Variants in XPR1 observed in about 807,000 individuals in gnomAD.
XPR1 encodes solute carrier family 53 member 1.
A neutral mutation model predicts 87.5 loss-of-function variants in XPR1; 28 were observed. That is an observed-to-expected ratio of 0.32 (90% CI 0.24 to 0.44). XPR1 has a LOEUF of 0.44. Among genes scored for constraint, XPR1 ranks in the 20% least tolerant of loss-of-function variants. The pLI, the probability that XPR1 is intolerant of heterozygous loss-of-function variation, is 1.00. For synonymous variants in XPR1, 300 were observed against 306.1 expected, an observed-to-expected ratio of 0.98 and a Z score of 0.21; for missense variants, 559 against 862.3, an observed-to-expected ratio of 0.65 and a Z score of 4.41.
intron 1 of XPR1, among the ~76,000 whole-genome samples, chr1:180,639,710 CT>C (rs1294694509): frequency 6.6e-6 from 1 of 152,040 alleles, no homozygotes; most frequent in Admixed American, 6.5e-5. Flanking sequence ...GGCTCTCAAA[CT>C]TTTTGGTTTC....
intron 2 of XPR1, among the ~76,000 whole-genome samples, chr1:180,786,978 G>A (rs144460414): frequency 6.6e-6 from 1 of 152,236 alleles, no homozygotes; most frequent in East Asian, 1.9e-4. Context: ...AAAATAAATA[G>A]CCATTTAACA....
chr1:180,762,080 A>T (rs150841627), intron 2 of XPR1, among the ~76,000 whole-genome samples: 6,236 of 140,890 alleles, frequency 0.044, 478 homozygotes, highest in African/African-American at 0.15. Context: ...CTGAGAACAC[A>T]TGGACACAGG....
intron 2 of XPR1, among the ~76,000 whole-genome samples, chr1:180,718,833 T>C (rs1216579297): frequency 6.6e-6 from 1 of 152,034 alleles, no homozygotes; most frequent in Admixed American, 6.6e-5. Context: ...CACAGCTGGC[T>C]AATTTTTGTA....
intron 1 of XPR1, among the ~76,000 whole-genome samples, chr1:180,664,406 A>C (rs1312383361): frequency 6.6e-6 from 1 of 152,108 alleles, no homozygotes; most frequent in Non-Finnish European, 1.5e-5. Context: ...GGTTCCCTTC[A>C]GGTCAAGGGT....
At chr1:180,723,442 T>A (rs751313466) in intron 2 of XPR1, among the ~76,000 whole-genome samples, 33 of 152,192 alleles carry the variant, frequency 2.2e-4, no homozygotes, top group Non-Finnish European at 3.2e-4. Flanking sequence ...AATGAAATTC[T>A]TTCAGTCAAT....
chr1:180,752,601 G>A (rs182166640), intron 2 of XPR1, among the ~76,000 whole-genome samples: 8 of 151,784 alleles, frequency 5.3e-5, no homozygotes, highest in African/African-American at 1.5e-4. Flanking sequence ...TTTGTTCTTC[G>A]GTGGCCATAC....
chr1:180,863,454 C>T (rs949540446), intron 11 of XPR1, among the ~76,000 whole-genome samples: 1 of 152,126 alleles, frequency 6.6e-6, no homozygotes, highest in Non-Finnish European at 1.5e-5. Context: ...ATGTATTCAG[C>T]ATAGAGCCTC....
chr1:180,784,937 AG>A lies in XPR1; in HGVS notation c.122-2815del, dbSNP rs1649078269. On this transcript the variant is annotated intron_variant, in intron 2 of 14. Transcript: ENST00000367590. ...AAAACAAAAACATTGTCCTTCATTT[AG>A]CTTATTTTGCACACAATTCTTGCTG... Among the ~76,000 whole-genome samples, 4 of 150,480 alleles carry A rather than the reference AG, an allele frequency of 2.7e-5. No homozygotes were observed. In the South Asian group the frequency reaches 8.4e-4, roughly 32 times the overall value.
At chr1:180,710,867 G>A (rs573486467) in intron 2 of XPR1, among the ~76,000 whole-genome samples, 3 of 151,502 alleles carry the variant, frequency 2.0e-5, no homozygotes, top group Non-Finnish European at 4.4e-5. Flanking sequence ...CAGCTGGCCG[G>A]GTGGGGGCTG....
chr1:180,754,452 A>G (rs1413184933), intron 2 of XPR1, among the ~76,000 whole-genome samples: 2 of 151,892 alleles, frequency 1.3e-5, no homozygotes, highest in Non-Finnish European at 2.9e-5. Context: ...CCTTTCTTGT[A>G]TTTTTTGTTT....
chr1:180,877,430 A>T (rs1051278685), intron 13 of XPR1, among the ~76,000 whole-genome samples: 8 of 152,200 alleles, frequency 5.3e-5, no homozygotes, highest in Non-Finnish European at 1.2e-4. Flanking sequence ...TAACAGTGGA[A>T]AAAGAGGGCC....
intron 2 of XPR1, among the ~76,000 whole-genome samples, chr1:180,716,422 G>C (rs934523122): frequency 6.6e-6 from 1 of 152,116 alleles, no homozygotes; most frequent in African/African-American, 2.4e-5. Flanking sequence ...AAGCCTGTCT[G>C]ATCTTGTCAA....
chr1:180,879,085 G>T (rs1442055887), intron 13 of XPR1, among the ~76,000 whole-genome samples: 1 of 152,140 alleles, frequency 6.6e-6, no homozygotes, highest in Non-Finnish European at 1.5e-5. Context: ...CTTAGTAAAT[G>T]GTGTCACCTT....
At chr1:180,800,474 G>T (rs1405368564) in intron 3 of XPR1, among the ~76,000 whole-genome samples, 1 of 152,150 alleles carries the variant, frequency 6.6e-6, no homozygotes, top group Non-Finnish European at 1.5e-5. Context: ...ACTGAATTCT[G>T]CCACAACCAA....
At chr1:180,741,357 G>T (rs747452430) in intron 2 of XPR1, among the ~76,000 whole-genome samples, 10 of 151,878 alleles carry the variant, frequency 6.6e-5, no homozygotes, top group Non-Finnish European at 1.2e-4. Context: ...GTAGAGATGG[G>T]GTTTCACCAT....
At chr1:180,636,511 C>G (rs968090779) in intron 1 of XPR1, among the ~76,000 whole-genome samples, 2 of 152,086 alleles carry the variant, frequency 1.3e-5, no homozygotes, top group African/African-American at 2.4e-5. Context: ...TTATACTTGT[C>G]CGTTTATCCT....
At chr1:180,874,860 G>A in intron 13 of XPR1, among the ~76,000 whole-genome samples, 1 of 152,146 alleles carries the variant, frequency 6.6e-6, no homozygotes, top group East Asian at 1.9e-4. Flanking sequence ...ATTAAAATTT[G>A]TATGCACCTA....
chr1:180,802,587 A>G (rs1050995371), intron 3 of XPR1, among the ~76,000 whole-genome samples: 8 of 152,196 alleles, frequency 5.3e-5, no homozygotes, highest in African/African-American at 1.7e-4. Flanking sequence ...CATGGTTTTT[A>G]GTGTATTCAC....
intron 11 of XPR1, among the ~76,000 whole-genome samples, chr1:180,862,364 A>G (rs1652251440): frequency 6.6e-6 from 1 of 152,086 alleles, no homozygotes; most frequent in Non-Finnish European, 1.5e-5. Flanking sequence ...AGATGTAGGT[A>G]ACTTGTAGCT....
Sources: gnomAD v4.1 joint callset for allele counts (sites outside exome capture counted in the v4.1 genomes callset) on GRCh38, gnomAD v4.1.1 for gene constraint, MANE v1.5 for transcripts, NCBI Gene and HGNC (gene_info 2026-07-23, HGNC 2026-07-21) for gene names.